The following TLE4 variants were observed in gnomAD, a reference collection of about 807,000 sequenced individuals.
TLE4 encodes TLE family member 4, transcriptional corepressor.
Under a neutral mutation model 92.8 loss-of-function variants are expected in TLE4, and 8 were observed. The ratio of observed to expected loss-of-function variants is 0.09; its 90% CI spans 0.05 to 0.16. The LOEUF (loss-of-function observed/expected upper bound fraction) is 0.16. Among genes scored for constraint, TLE4 ranks in the 10% least tolerant of loss-of-function variants. TLE4 has a pLI of 1.00. For missense variants in TLE4, 675 were observed against 997.6 expected (o/e 0.68, Z 4.36); for synonymous variants, 371 against 374.1 (o/e 0.99, Z 0.10).
At chr9:79,676,447 G>A (rs988694721) in intron 8 of TLE4, among the ~76,000 whole-genome samples, 4 of 152,098 alleles carry the variant, frequency 2.6e-5, no homozygotes, top group Non-Finnish European at 5.9e-5. Flanking sequence ...TATAACACTG[G>A]AATCAAGTTT....
At position 79,600,198 on chromosome 9, in the gene TLE4, A is replaced by G. The variant is rs542084004; in HGVS notation, c.253-12458A>G. Among the ~76,000 whole-genome samples the G allele has an allele frequency of 2.0e-5, 3 of 152,364 alleles. No individual in the cohort carries two copies. The South Asian group carries it at 6.2e-4, about 32-fold the overall frequency. ...CCTGAAGTACATTTTAAAAGTAACT[A>G]GGAATATAGGAACACAATAGTTTGC... On this transcript the variant is annotated intron_variant, in intron 4 of 19. Transcript: ENST00000376552.
At chr9:79,602,961 C>T (rs780271007) in intron 4 of TLE4, among the ~76,000 whole-genome samples, 67 of 152,080 alleles carry the variant, frequency 4.4e-4, no homozygotes, top group Non-Finnish European at 7.9e-4. Context: ...GATTCCAACC[C>T]TCATGGATGC....
chr9:79,700,845 C>T (rs1226694427), intron 8 of TLE4, among the ~76,000 whole-genome samples: 2 of 152,042 alleles, frequency 1.3e-5, no homozygotes, highest in Non-Finnish European at 2.9e-5. Context: ...CTGAGATACA[C>T]ACACACATAC....
chr9:79,663,036 C>G (rs1003560739), intron 8 of TLE4, among the ~76,000 whole-genome samples: 1 of 151,372 alleles, frequency 6.6e-6, no homozygotes, highest in Non-Finnish European at 1.5e-5. Flanking sequence ...TGATTTTAAC[C>G]TCCCAACCTG....
chr9:79,684,818 G>A (rs2065476172), intron 8 of TLE4, among the ~76,000 whole-genome samples: 1 of 152,108 alleles, frequency 6.6e-6, no homozygotes, highest in South Asian at 2.1e-4. Context: ...CTGTGCCATT[G>A]GCCAAAGCAA....
chr9:79,597,634 C>T (rs962413435), intron 4 of TLE4, among the ~76,000 whole-genome samples: 13 of 152,116 alleles, frequency 8.5e-5, no homozygotes, highest in African/African-American at 2.4e-4. Context: ...CACCATCCAC[C>T]CAATTTCTCA....
At chr9:79,684,671 G>T (rs558848515) in intron 8 of TLE4, among the ~76,000 whole-genome samples, 1 of 152,258 alleles carries the variant, frequency 6.6e-6, no homozygotes, top group South Asian at 2.1e-4. Context: ...GGGACTGCTG[G>T]TCTAGAACGT....
chr9:79,609,160 T>C (rs1401998068), intron 4 of TLE4, among the ~76,000 whole-genome samples: 1 of 152,090 alleles, frequency 6.6e-6, no homozygotes, highest in Non-Finnish European at 1.5e-5. Context: ...AATTTTCCAA[T>C]GATTCTTGAG....
intron 8 of TLE4, among the ~76,000 whole-genome samples, chr9:79,695,688 G>A (rs2068080957): frequency 6.6e-6 from 1 of 152,194 alleles, no homozygotes; most frequent in Non-Finnish European, 1.5e-5. Context: ...TGCTGGGAAG[G>A]AAGCACACAA....
Position 79,572,350 on chromosome 9 carries a change from G to A in TLE4, c.-441G>A, listed in dbSNP as rs1176738495. 2 of 152,144 alleles carry A rather than the reference G, an allele frequency of 1.3e-5. No homozygotes were observed. The highest frequency in any genetic ancestry group is 1.5e-5 in the Non-Finnish European group (1 of 68,014). 9.4% of individuals were successfully genotyped at this position (152,144 alleles called of 1,614,324 possible). ...GAAGAAGAAAGATCATTCATTCGGA[G>A]GAATAACAACCAATTAAAAGACAAA... On this transcript the variant is annotated 5_prime_UTR_variant, in exon 1 of 20. Transcript: ENST00000376552.
In TLE4 at chr9:79,726,121, A is replaced by G. The variant is rs891883192; in HGVS notation, c.*977A>G. The G allele has an allele frequency of 6.6e-6, 1 of 152,640 alleles. No individual in the cohort carries two copies. The highest frequency in any genetic ancestry group is 6.5e-5 in the Admixed American group (1 of 15,286). The allele number at this position is 152,640 out of a possible 1,614,324, so 9.5% of individuals were successfully genotyped here. On this transcript the variant is annotated 3_prime_UTR_variant, in exon 20 of 20. Transcript: ENST00000376552. ...GTTAAGTCTTTTACAAAACAAGGACAGCAGAGGAGGGTTTGCAGAGACCTC... is the reference window on the plus strand; with the variant it reads ...GTTAAGTCTTTTACAAAACAAGGACGGCAGAGGAGGGTTTGCAGAGACCTC...
intron 10 of TLE4, 137 bp downstream of exon 10, chr9:79,706,079 C>G: frequency 1.2e-6 from 1 of 854,976 alleles, no homozygotes; most frequent in Middle Eastern, 2.3e-4. Flanking sequence ...GGGTCTTGTT[C>G]TCTTGCCCTG....
At chr9:79,715,481 ACCTTTCCATT>A (rs2074304177) in intron 14 of TLE4, among the ~76,000 whole-genome samples, 1 of 151,894 alleles carries the variant, frequency 6.6e-6, no homozygotes, top group Non-Finnish European at 1.5e-5. Flanking sequence ...ATACAGGGTG[ACCTTTCCATT>A]TCATTCACTG....
rs552836058 is a variant in TLE4 at position 79,636,260 on chromosome 9, C to T, written c.390+8812C>T. On this transcript the variant is annotated intron_variant, in intron 6 of 19. Transcript: ENST00000376552. Reference sequence around the variant, plus strand: ...ATCACTTGAGCGCAAGAGTTCAAGACCAGCCTGGGCAACAGCAGGATTTCA... The same window carrying T: ...ATCACTTGAGCGCAAGAGTTCAAGATCAGCCTGGGCAACAGCAGGATTTCA... Among the ~76,000 whole-genome samples, 10 of 152,170 alleles carry T rather than the reference C, an allele frequency of 6.6e-5. No homozygotes were observed. In the South Asian group the frequency reaches 2.1e-3, roughly 32 times the overall value.
At chr9:79,686,702 C>T (rs968400825) in intron 8 of TLE4, among the ~76,000 whole-genome samples, 1 of 152,190 alleles carries the variant, frequency 6.6e-6, no homozygotes, top group Non-Finnish European at 1.5e-5. Flanking sequence ...TTCCCTGGAG[C>T]CTTTGGAGGG....
chr9:79,572,885 C>A, intron 1 of TLE4, 50 bp downstream of exon 1: 1 of 1,556,880 alleles, frequency 6.4e-7, no homozygotes, highest in Non-Finnish European at 8.7e-7. Context: ...GGGGATTCCC[C>A]GCGTCGCCCC....
At chr9:79,653,329 G>T (rs1465936559) in intron 7 of TLE4, among the ~76,000 whole-genome samples, 1 of 152,168 alleles carries the variant, frequency 6.6e-6, no homozygotes, top group African/African-American at 2.4e-5. Flanking sequence ...CTCTCACCCA[G>T]TCTGTTTAGA....
intron 17 of TLE4, 38 bp downstream of exon 17, chr9:79,721,926 T>C: frequency 6.3e-7 from 1 of 1,594,260 alleles, no homozygotes. Flanking sequence ...AGATACGGTT[T>C]TAGGCTGAGG....
chr9:79,652,708 T>A lies in TLE4; in HGVS notation c.506T>A (p.Leu169His). 1 of 1,614,168 alleles carries A rather than the reference T, an allele frequency of 6.2e-7. No homozygotes were observed. The highest frequency in any genetic ancestry group is 8.5e-7 in the Non-Finnish European group (1 of 1,180,030). ...CCACCCATCGGTAGCAGTGCCGGGCTTCTGGCCCTCTCCAGTGCTCTAGGA... is the reference window on the plus strand; with the variant it reads ...CCACCCATCGGTAGCAGTGCCGGGCATCTGGCCCTCTCCAGTGCTCTAGGA... ...AIPPIGSSAG[L>H]LALSSALGGQ... The change falls in exon 7 of 20, where the codon CTT (leucine) becomes CAT (histidine). Residue 169 changes from leucine (L) to histidine (H), a missense_variant. By Grantham distance (99) the Leu-to-His change is moderately conservative. Around this residue, in one of 5 missense-constraint regions of TLE4, gnomAD observed 280 missense variants for 287.3 expected, o/e 0.97. Transcript: ENST00000376552.
Sources: allele counts gnomAD v4.1 joint callset (sites outside exome capture counted in the v4.1 genomes callset), GRCh38; gene constraint gnomAD v4.1.1; regional missense constraint gnomAD v4.1.1; transcripts MANE v1.5; gene names NCBI Gene and HGNC (gene_info 2026-07-23, HGNC 2026-07-21).